ZNF568: variants seen among roughly 807,000 people sequenced by gnomAD.
ZNF568 encodes p53 inhibitor of SCO2 activation.
ZNF568 carries 11 observed loss-of-function variants against 18.1 expected under a neutral mutation model. That is an observed-to-expected ratio of 0.61 (90% CI 0.38 to 1.00). The LOEUF (loss-of-function observed/expected upper bound fraction) is 1.00. Ranked by LOEUF, ZNF568 falls within the 50% of genes least tolerant of loss-of-function variation. ZNF568 has a pLI of 0.01. For synonymous variants in ZNF568, 213 were observed against 246.6 expected, an observed-to-expected ratio of 0.86 and a Z score of 1.28; for missense variants, 639 against 768.2, an observed-to-expected ratio of 0.83 and a Z score of 1.99.
chr19:36,963,271 C>A (rs989130388), intron 6 of ZNF568, among the ~76,000 whole-genome samples: 3 of 152,124 alleles, frequency 2.0e-5, no homozygotes, highest in African/African-American at 7.2e-5. Flanking sequence ...TATGAAAATT[C>A]TTAATTTCAG....
chr19:36,941,754 A>T (rs532461116), intron 6 of ZNF568, among the ~76,000 whole-genome samples: 1 of 152,178 alleles, frequency 6.6e-6, no homozygotes, highest in African/African-American at 2.4e-5. Context: ...TGTAGCTGTT[A>T]TTATTTCTCA....
chr19:36,937,185 G>C lies in ZNF568; in HGVS notation c.301G>C (p.Glu101Gln). The change falls in exon 6 of 7, where the codon GAG becomes CAG. Residue 101 changes from glutamate (E) to glutamine (Q), a missense_variant. By Grantham distance (29) the Glu-to-Gln change is conservative. Transcript: ENST00000333987. ...CAAACCGGATGTGATATTCAAGTTG[G>C]AGCAAGAAGAGGAGCCCTGGGTGAT... The part of the protein sequence containing the change: ...VTKPDVIFKL[E>Q]QEEEPWVMEE... 1 of 1,614,078 alleles carries C rather than the reference G, an allele frequency of 6.2e-7. No individual in the cohort carries two copies. Among genetic ancestry groups the C allele is most frequent in the Non-Finnish European group, 8.5e-7 (1 of 1,179,952 alleles).
Position 36,950,968 on chromosome 19 carries a change from G to T in ZNF568, c.1815G>T (p.Met605Ile). The change falls in exon 7 of 7, where the codon ATG (methionine) becomes ATT (isoleucine). Residue 605 changes from methionine to isoleucine, a missense_variant. By Grantham distance (10) the Met-to-Ile change is conservative (BLOSUM62 1). Coordinates refer to ENST00000333987, the MANE Select transcript of ZNF568 (RefSeq NM_198539.4). Reference protein sequence around the residue: ...FSQCSLLIIHMRSHTGEKPFE... With the variant: ...FSQCSLLIIHIRSHTGEKPFE... Reference sequence around the variant, plus strand: ...AGTGCTCATTACTTATTATACATATGAGAAGTCATACTGGTGAGAAACCCT... The same window carrying T: ...AGTGCTCATTACTTATTATACATATTAGAAGTCATACTGGTGAGAAACCCT... 6.2e-7 allele frequency: 1 copy of T among 1,613,734 alleles called. No homozygotes were observed. The highest frequency in any genetic ancestry group is 8.5e-7 in the Non-Finnish European group (1 of 1,179,926).
At chr19:36,924,746 G>T (rs1032520227) in intron 3 of ZNF568, among the ~76,000 whole-genome samples, 4 of 150,614 alleles carry the variant, frequency 2.7e-5, no homozygotes, top group African/African-American at 9.7e-5. Context: ...CAGGAGAATC[G>T]CTTGAACCTG....
chr19:36,957,212 G>A (rs1405060526), downstream of ZNF568, among the ~76,000 whole-genome samples: 4 of 128,290 alleles, frequency 3.1e-5, no homozygotes, highest in Non-Finnish European at 3.2e-5. Context: ...GGGATTTCCA[G>A]ACTGTTCTTT....
chr19:36,974,355 C>T (rs552608456), intron 6 of ZNF568: 367 of 1,471,318 alleles, frequency 2.5e-4, no homozygotes, highest in Non-Finnish European at 3.1e-4. Context: ...GGAGTTTGGC[C>T]TCCCAAGGGG....
intron 3 of ZNF568, chr19:36,991,395 G>A: frequency 7.2e-7 from 1 of 1,392,156 alleles, no homozygotes; most frequent in Non-Finnish European, 9.4e-7. Context: ...TTTGTCCCAA[G>A]TGCTTTTCAA....
At chr19:36,981,558 G>A (rs1600851912), downstream of ZNF568, among the ~76,000 whole-genome samples, 1 of 151,890 alleles carries the variant, frequency 6.6e-6, no homozygotes, top group African/African-American at 2.4e-5. Context: ...TTTATATTTT[G>A]TGTTTTTCTT....
chr19:36,994,523 G>A (rs755398426), intron 4 of ZNF568, among the ~76,000 whole-genome samples: 1 of 152,076 alleles, frequency 6.6e-6, no homozygotes, highest in Non-Finnish European at 1.5e-5. Context: ...TCTTCAATTT[G>A]TTCAATTGTT....
chr19:36,962,171 T>G (rs1208521501), intron 6 of ZNF568, among the ~76,000 whole-genome samples: 1 of 150,712 alleles, frequency 6.6e-6, no homozygotes, highest in African/African-American at 2.4e-5. Flanking sequence ...GCTTGGTAGA[T>G]TTCTGTAGTA....
intron 6 of ZNF568, among the ~76,000 whole-genome samples, chr19:36,945,210 AGTGTGTGTGTGTGTGT>A (rs10616521): frequency 4.9e-5 from 7 of 141,958 alleles, no homozygotes; most frequent in South Asian, 2.3e-4. Context: ...CAGAGAGAGA[AGTGTGTGTGTGTGTGT>A]GTGTGTGTGT....
downstream of ZNF568, among the ~76,000 whole-genome samples, chr19:36,953,605 T>G (rs996326694): frequency 3.9e-5 from 6 of 152,246 alleles, no homozygotes; most frequent in African/African-American, 1.4e-4. Flanking sequence ...AGAAAGCTGC[T>G]AATGCCTTTT....
At chr19:36,926,420 C>G (rs1644711) in intron 4 of ZNF568, among the ~76,000 whole-genome samples, 54,994 of 151,942 alleles carry the variant, frequency 0.36, 10,249 homozygotes, top group African/African-American at 0.4. Context: ...GTGGCCCTAG[C>G]AAACCTCTCT....
At chr19:36,977,502 TCTAAGA>T (rs2074295912) in intron 7 of ZNF568, among the ~76,000 whole-genome samples, 1 of 152,344 alleles carries the variant, frequency 6.6e-6, no homozygotes, top group African/African-American at 2.4e-5. Flanking sequence ...TTACTTTCAC[TCTAAGA>T]CTAAAGAAAC....
chr19:36,928,023 T>G (rs552693032), intron 4 of ZNF568, among the ~76,000 whole-genome samples: 4 of 147,082 alleles, frequency 2.7e-5, no homozygotes, highest in East Asian at 4.2e-4. Context: ...TAAGTGATTC[T>G]CATGCCTCAG....
At chr19:36,997,551 G>A (rs768656617), downstream of ZNF568, 1 of 1,584,582 alleles carries the variant, frequency 6.3e-7, no homozygotes, top group Non-Finnish European at 8.5e-7. Context: ...AACCCTACGA[G>A]TGTAAGGAGT....
rs1417170928 is a variant in ZNF568 at position 36,951,643 on chromosome 19, A to G, written c.*555A>G. 3 of 148,698 alleles carry G rather than the reference A, an allele frequency of 2.0e-5. No individual in the cohort carries two copies. The East Asian group carries it at 5.9e-4, about 29-fold the overall frequency. The allele number at this position is 148,698 out of a possible 1,614,324, so 9.2% of individuals were successfully genotyped here. A position where few individuals can be genotyped will look rare whatever the true frequency, so the allele number is the denominator to read the frequency against. ...GTATTGGAGAAAATAAAATTACAACATTACGACATACTAAAAAATCAATAT... is the reference window on the plus strand; with the variant it reads ...GTATTGGAGAAAATAAAATTACAACGTTACGACATACTAAAAAATCAATAT... On this transcript the variant is annotated 3_prime_UTR_variant, in exon 7 of 7. Transcript: ENST00000333987.
downstream of ZNF568, among the ~76,000 whole-genome samples, chr19:36,984,756 C>A (rs931107922): frequency 6.6e-6 from 1 of 151,842 alleles, no homozygotes; most frequent in Admixed American, 6.6e-5. Context: ...TGGGATATTC[C>A]GCTGTCTTCT....
intron 7 of ZNF568, chr19:36,974,511 C>G: frequency 6.6e-7 from 1 of 1,509,870 alleles, no homozygotes; most frequent in East Asian, 2.5e-5. Flanking sequence ...TACTGGTTTT[C>G]AGGACAGTGT....
Sources: allele counts gnomAD v4.1 joint callset (sites outside exome capture counted in the v4.1 genomes callset), GRCh38; gene constraint gnomAD v4.1.1; transcripts MANE v1.5; gene names NCBI Gene and HGNC (gene_info 2026-07-23, HGNC 2026-07-21).